Variants in GPR39 observed in about 807,000 individuals in gnomAD.
GPR39 encodes G protein-coupled receptor 39, also known as zinc sensing receptor.
In GPR39, 23 loss-of-function variants were observed where a neutral mutation model predicts 18.4. The ratio of observed to expected loss-of-function variants is 1.25; its 90% CI spans 0.90 to 1.77. The LOEUF is 1.77. GPR39 is among the 40% of genes most tolerant of loss of function. GPR39 has a pLI of 0.00. For missense variants in GPR39, 647 were observed against 602.4 expected, an observed-to-expected ratio of 1.07 and a Z score of -0.78; for synonymous variants, 280 against 257.9, an observed-to-expected ratio of 1.09 and a Z score of -0.82.
At chr2:132,450,951 T>C (rs1201423342) in intron 1 of GPR39, among the ~76,000 whole-genome samples, 2 of 152,240 alleles carry the variant, frequency 1.3e-5, no homozygotes, top group Non-Finnish European at 2.9e-5. Flanking sequence ...TGCTTGACTT[T>C]TGCTGATTTT....
At chr2:132,441,388 T>TC (rs1445193412) in intron 1 of GPR39, among the ~76,000 whole-genome samples, 3 of 80,274 alleles carry the variant, frequency 3.7e-5, no homozygotes, top group East Asian at 4.1e-4. Flanking sequence ...TATATGCTTT[T>TC]TTTTTTGTTG....
At chr2:132,477,435 G>T (rs368375010) in intron 1 of GPR39, among the ~76,000 whole-genome samples, 1 of 152,136 alleles carries the variant, frequency 6.6e-6, no homozygotes, top group Non-Finnish European at 1.5e-5. Flanking sequence ...GCATGGTAGC[G>T]CATGCCTGTG....
intron 1 of GPR39, among the ~76,000 whole-genome samples, chr2:132,447,927 C>T (rs191066725): frequency 3.3e-5 from 5 of 152,264 alleles, no homozygotes; most frequent in Non-Finnish European, 5.9e-5. Context: ...ACCACCTTGA[C>T]AGCTTTGGTG....
chr2:132,619,834 C>CAT (rs1383642921), intron 1 of GPR39, among the ~76,000 whole-genome samples: 1 of 139,168 alleles, frequency 7.2e-6, no homozygotes, highest in Admixed American at 7.0e-5. Flanking sequence ...GACACAGACA[C>CAT]ACACACACAC....
At chr2:132,600,047 A>G (rs1373024408) in intron 1 of GPR39, among the ~76,000 whole-genome samples, 2 of 152,208 alleles carry the variant, frequency 1.3e-5, no homozygotes, top group Non-Finnish European at 2.9e-5. Context: ...ATGCTTGTCT[A>G]TACTTTGGAG....
At chr2:132,613,990 T>G (rs1205884974) in intron 1 of GPR39, among the ~76,000 whole-genome samples, 1 of 152,154 alleles carries the variant, frequency 6.6e-6, no homozygotes, top group Non-Finnish European at 1.5e-5. Flanking sequence ...GAAACTGAGG[T>G]CCATAGAGAA....
chr2:132,645,252 C>T lies in GPR39; in HGVS notation c.1008C>T (p.Ser336=). The change falls in exon 2 of 2, where the codon AGC becomes AGT. Residue 336 remains serine (S), a synonymous_variant. Transcript: ENST00000329321. ...TCTCGGAGACGTTTTTCTACCTCAG[C>T]TCGGTCATCAACCCGCTCCTGTACA... ...LPFSETFFYL[S]SVINPLLYTV... is the part of the protein sequence containing the mutation. 4.3e-6 allele frequency: 7 copies of T among 1,614,170 alleles called. No homozygotes were observed. The highest frequency in any genetic ancestry group is 5.1e-6 in the Non-Finnish European group (6 of 1,180,032).
Position 132,646,330 on chromosome 2 carries a change from T to G in GPR39, c.*724T>G. The G allele has an allele frequency of 7.8e-7, 1 of 1,287,878 alleles. No homozygotes were observed. Among genetic ancestry groups the G allele is most frequent in the Non-Finnish European group, 1.0e-6 (1 of 972,360 alleles). The allele number at this position is 1,287,878 out of a possible 1,614,324, so 79.8% of individuals were successfully genotyped here. The stretch of plus-strand genomic sequence containing the variant: ...GAGTTAACGTGCACCGGCAAAAGAA[T>G]AGCTGTCCCTCTCAGCCCAAATCCA... On this transcript the variant is annotated 3_prime_UTR_variant, in exon 2 of 2. Transcript: ENST00000329321.
At chr2:132,622,755 C>T (rs1401250887) in intron 1 of GPR39, among the ~76,000 whole-genome samples, 1 of 152,162 alleles carries the variant, frequency 6.6e-6, no homozygotes, top group East Asian at 1.9e-4. Context: ...GGGGGTCTGC[C>T]ACCCATCATG....
chr2:132,462,755 C>G (rs1368111648), intron 1 of GPR39, among the ~76,000 whole-genome samples: 1 of 147,676 alleles, frequency 6.8e-6, no homozygotes, highest in Non-Finnish European at 1.5e-5. Context: ...CACTTCACCT[C>G]TCTCTGCCTT....
intron 1 of GPR39, among the ~76,000 whole-genome samples, chr2:132,552,907 C>T (rs1381940628): frequency 8.8e-5 from 8 of 90,942 alleles, no homozygotes; most frequent in Non-Finnish European, 1.4e-4. Context: ...TATATACACA[C>T]ACATATATAT....
intron 1 of GPR39, among the ~76,000 whole-genome samples, chr2:132,558,280 C>T (rs778052205): frequency 1.2e-4 from 18 of 152,224 alleles, no homozygotes; most frequent in South Asian, 2.1e-4. Context: ...TCTGTTGTCT[C>T]TTGTGAGGAG....
chr2:132,543,242 G>A (rs890086576), intron 1 of GPR39, among the ~76,000 whole-genome samples: 2 of 152,152 alleles, frequency 1.3e-5, no homozygotes, highest in Non-Finnish European at 2.9e-5. Context: ...CAGGGATTAA[G>A]GCGTGAATTC....
At chr2:132,449,638 C>T (rs1680599408) in intron 1 of GPR39, among the ~76,000 whole-genome samples, 1 of 152,120 alleles carries the variant, frequency 6.6e-6, no homozygotes, top group South Asian at 2.1e-4. Flanking sequence ...TATTGTTTCA[C>T]TTTTCAAAAA....
At position 132,428,128 on chromosome 2, in the gene GPR39, G is replaced by A. The variant is rs184510432; in HGVS notation, c.856+10230G>A. Among the ~76,000 whole-genome samples the A allele has an allele frequency of 2.6e-5, 4 of 151,996 alleles. No homozygotes were observed. In the East Asian group the frequency reaches 7.7e-4, roughly 29 times the overall value. On this transcript the variant is annotated intron_variant, in intron 1 of 1. Coordinates refer to ENST00000329321, the MANE Select transcript of GPR39 (RefSeq NM_001508.3). ...AAAAAAACTTCTGTAGGAACTAGCTGTTCTCCTTGTTAGACCTGGGGTTTT... is the reference window on the plus strand; with the variant it reads ...AAAAAAACTTCTGTAGGAACTAGCTATTCTCCTTGTTAGACCTGGGGTTTT...
intron 1 of GPR39, among the ~76,000 whole-genome samples, chr2:132,486,556 A>C (rs1331244062): frequency 2.0e-5 from 3 of 152,218 alleles, no homozygotes; most frequent in Non-Finnish European, 4.4e-5. Context: ...CTACATCAGC[A>C]CTTGCTGCTT....
intron 1 of GPR39, among the ~76,000 whole-genome samples, chr2:132,529,135 G>A (rs6732602): frequency 0.046 from 6,955 of 152,226 alleles, 219 homozygotes; most frequent in African/African-American, 0.078. Flanking sequence ...GACAGCACCT[G>A]GAAAATCGAG....
chr2:132,455,297 A>C (rs1680701142), intron 1 of GPR39, among the ~76,000 whole-genome samples: 1 of 152,132 alleles, frequency 6.6e-6, no homozygotes, highest in Non-Finnish European at 1.5e-5. Context: ...CTCTGATGGT[A>C]GTTTGTATTT....
intron 1 of GPR39, among the ~76,000 whole-genome samples, chr2:132,502,258 G>T (rs1573634900): frequency 1.3e-5 from 2 of 152,194 alleles, no homozygotes; most frequent in South Asian, 4.1e-4. Flanking sequence ...AGCAGTTCTT[G>T]TAGTGTTGGC....
Sources: allele counts gnomAD v4.1 joint callset (sites outside exome capture counted in the v4.1 genomes callset), GRCh38; gene constraint gnomAD v4.1.1; transcripts MANE v1.5; gene names NCBI Gene and HGNC (gene_info 2026-07-23, HGNC 2026-07-21).